The following USP12 variants were observed in gnomAD, a reference collection of about 807,000 sequenced individuals.
The protein encoded by USP12 is ubiquitin carboxyl-terminal hydrolase 12.
USP12 carries 19 observed loss-of-function variants against 45.5 expected under a neutral mutation model. The observed-to-expected ratio is 0.42, with a 90% CI of 0.29 to 0.61. The LOEUF is 0.61. Ranked by LOEUF, USP12 falls within the 20% of genes least tolerant of loss-of-function variation. USP12 has a pLI of 0.22. For synonymous variants in USP12, 149 were observed against 148.8 expected (o/e 1.00, Z -0.01); for missense variants, 242 against 447.7 (o/e 0.54, Z 4.15).
intron 1 of USP12, among the ~76,000 whole-genome samples, chr13:27,150,607 TC>T (rs1453108418): frequency 6.6e-6 from 1 of 152,148 alleles, no homozygotes; most frequent in Admixed American, 6.5e-5. Flanking sequence ...CATATGGAGG[TC>T]GGACCCAGTG....
intron 1 of USP12, among the ~76,000 whole-genome samples, chr13:27,132,565 G>C (rs1355673323): frequency 6.6e-6 from 1 of 152,152 alleles, no homozygotes; most frequent in African/African-American, 2.4e-5. Context: ...TCCCTGGTTG[G>C]CTGTACGGCT....
chr13:27,111,497 T>C (rs1875442885), intron 2 of USP12, among the ~76,000 whole-genome samples: 1 of 152,172 alleles, frequency 6.6e-6, no homozygotes, highest in Non-Finnish European at 1.5e-5. Context: ...ATTTTAAAAG[T>C]TGCCACCCTA....
Position 27,069,010 on chromosome 13 carries a change from T to A in USP12, c.*273A>T. ...TAAAGAGAAAATGCGTGCCAATGAC[T>A]GGAAGGCTGTTTTAAAAGAGGAGCT... On this transcript the variant is annotated 3_prime_UTR_variant, in exon 9 of 9. Coordinates refer to ENST00000282344, the MANE Select transcript of USP12 (RefSeq NM_182488.4). 2.2e-6 allele frequency: 1 copy of A among 451,018 alleles called. No individual in the cohort carries two copies. The highest frequency in any genetic ancestry group is 3.9e-6 in the Non-Finnish European group (1 of 253,368). 27.9% of individuals were successfully genotyped at this position (451,018 alleles called of 1,614,324 possible).
At chr13:27,069,872 AGGAGGT>A (rs969494774) in intron 8 of USP12, among the ~76,000 whole-genome samples, 3 of 152,046 alleles carry the variant, frequency 2.0e-5, no homozygotes, top group African/African-American at 7.2e-5. Context: ...GCTTGAACCC[AGGAGGT>A]GGAGGTGGTG....
At chr13:27,130,361 A>G (rs73159772) in intron 1 of USP12, among the ~76,000 whole-genome samples, 8,042 of 152,264 alleles carry the variant, frequency 0.053, 258 homozygotes, top group Non-Finnish European at 0.056. Context: ...ATAGTAAGAC[A>G]GAAACTTCAG....
intron 7 of USP12, 56 bp from the exon 8 acceptor site, chr13:27,071,205 T>C: frequency 2.1e-6 from 3 of 1,458,150 alleles, no homozygotes; most frequent in South Asian, 1.3e-5. Context: ...TACTCTTTCA[T>C]GCTCTAAATT....
chr13:27,107,908 A>C (rs2137788791), intron 2 of USP12, among the ~76,000 whole-genome samples: 1 of 152,132 alleles, frequency 6.6e-6, no homozygotes, highest in African/African-American at 2.4e-5. Flanking sequence ...GATGTGGAGA[A>C]ATAGGAACAC....
chr13:27,114,898 T>C (rs959302120), intron 2 of USP12, among the ~76,000 whole-genome samples: 10 of 152,036 alleles, frequency 6.6e-5, no homozygotes, highest in African/African-American at 2.2e-4. Flanking sequence ...TAAGGCAGGA[T>C]TGCCTGAGCC....
chr13:27,079,965 G>A (rs973804873), intron 6 of USP12, among the ~76,000 whole-genome samples: 1 of 152,206 alleles, frequency 6.6e-6, no homozygotes, highest in Non-Finnish European at 1.5e-5. Context: ...CTTTATGTGA[G>A]AAAGACACTA....
chr13:27,082,944 TC>T (rs761574329), intron 6 of USP12, among the ~76,000 whole-genome samples: 4 of 152,230 alleles, frequency 2.6e-5, no homozygotes, highest in Non-Finnish European at 5.9e-5. Context: ...CAAGTGATGC[TC>T]CTGCCTCAGC....
intron 6 of USP12, among the ~76,000 whole-genome samples, chr13:27,080,181 C>G (rs1873684163): frequency 6.6e-6 from 1 of 152,172 alleles, no homozygotes; most frequent in African/African-American, 2.4e-5. Flanking sequence ...ATCAACTTCT[C>G]AACAGATGGA....
In USP12 at chr13:27,165,966, G is replaced by GA. The variant is rs571313821; in HGVS notation, c.48+5625dup. On this transcript the variant is annotated intron_variant, in intron 1 of 8. Transcript: ENST00000282344. ...TTTAAAAAAGAGCTCCTAAAATGAT[G>GA]AAAATGATACCAATAATCATTTATA... Among the ~76,000 whole-genome samples the GA allele has an allele frequency of 2.6e-3, 401 of 152,020 alleles. 6 individuals carry two copies. Among genetic ancestry groups the GA allele is most frequent in the Admixed American group, 5.4e-3 (82 of 15,280 alleles).
intron 1 of USP12, among the ~76,000 whole-genome samples, chr13:27,118,710 T>C (rs1209773982): frequency 6.6e-6 from 1 of 152,162 alleles, no homozygotes; most frequent in Non-Finnish European, 1.5e-5. Context: ...TCAACCAAAA[T>C]ACAACCTCAA....
At chr13:27,130,530 A>T (rs905255222) in intron 1 of USP12, among the ~76,000 whole-genome samples, 6 of 146,878 alleles carry the variant, frequency 4.1e-5, no homozygotes, top group Non-Finnish European at 6.0e-5. Flanking sequence ...TTCAGTTCTC[A>T]CACACACACA....
intron 7 of USP12, among the ~76,000 whole-genome samples, chr13:27,074,318 T>C (rs2137753548): frequency 6.6e-6 from 1 of 151,806 alleles, no homozygotes; most frequent in East Asian, 1.9e-4. Context: ...GAGAATGGCG[T>C]GAACCCGGGA....
intron 1 of USP12, among the ~76,000 whole-genome samples, chr13:27,132,497 C>G (rs989554680): frequency 6.6e-6 from 1 of 152,082 alleles, no homozygotes; most frequent in Non-Finnish European, 1.5e-5. Context: ...AAATTACTGC[C>G]CCTCGAAGGA....
At chr13:27,100,018 G>C (rs966650386) in intron 3 of USP12, among the ~76,000 whole-genome samples, 15 of 152,140 alleles carry the variant, frequency 9.9e-5, no homozygotes, top group African/African-American at 3.4e-4. Flanking sequence ...TCCCTGCTCA[G>C]AGTAGAAGTC....
intron 8 of USP12, 118 bp from the exon 9 acceptor site, chr13:27,069,502 TCACA>T (rs1276393834): frequency 1.3e-6 from 1 of 778,894 alleles, no homozygotes; most frequent in Non-Finnish European, 2.2e-6. Context: ...AATGGAACTC[TCACA>T]CACAGCTGGC....
Position 27,075,271 on chromosome 13 carries a change from A to C in USP12, c.852T>G (p.Leu284=). The part of the protein sequence containing the change: ...LSYRVVFPLE[L]RLFNTSGDAT... ...CATCACCTGAAGTGTTAAACAGACG[A>C]AGTTCTAAAGGAAAAACTACCCGGT... Residue 284 remains leucine, a synonymous_variant, in exon 7 of 9, where the codon CTT becomes CTG. Coordinates refer to ENST00000282344, the MANE Select transcript of USP12 (RefSeq NM_182488.4). 2 of 1,614,142 alleles carry C rather than the reference A, an allele frequency of 1.2e-6. No homozygotes were observed. The highest frequency in any genetic ancestry group is 1.7e-4 in the Middle Eastern group (1 of 6,060).
Sources: gnomAD v4.1 joint callset for allele counts (sites outside exome capture counted in the v4.1 genomes callset) on GRCh38, gnomAD v4.1.1 for gene constraint, MANE v1.5 for transcripts, NCBI Gene and HGNC (gene_info 2026-07-23, HGNC 2026-07-21) for gene names.